Variants in GRID2 observed in about 807,000 individuals in gnomAD.
GRID2 encodes the protein glutamate receptor ionotropic, delta-2.
Under a neutral mutation model 114.8 loss-of-function variants are expected in GRID2, and 33 were observed. That is an observed-to-expected ratio of 0.29 (90% CI 0.22 to 0.38). GRID2 has a LOEUF of 0.38. Among genes scored for constraint, GRID2 ranks in the 10% least tolerant of loss-of-function variants. The probability of loss-of-function intolerance (pLI) is 1.00; values close to 1 mark genes in which losing one functional copy is unlikely to be tolerated. For synonymous variants in GRID2, 505 were observed against 449.9 expected, an observed-to-expected ratio of 1.12 and a Z score of -1.55; for missense variants, 1,184 against 1,257.7, an observed-to-expected ratio of 0.94 and a Z score of 0.89.
intron 1 of GRID2, among the ~76,000 whole-genome samples, chr4:92,492,854 C>T (rs1579460474): frequency 6.6e-6 from 1 of 152,020 alleles, no homozygotes; most frequent in Non-Finnish European, 1.5e-5. Context: ...TTAGGCCAGG[C>T]GCAGTGGCTC....
intron 8 of GRID2, among the ~76,000 whole-genome samples, chr4:93,381,663 C>G (rs1763866715): frequency 6.6e-6 from 1 of 152,090 alleles, no homozygotes; most frequent in African/African-American, 2.4e-5. Context: ...ACAAAACTCT[C>G]TCTTTTACAT....
At chr4:93,529,817 G>A (rs553209355) in intron 13 of GRID2, among the ~76,000 whole-genome samples, 6 of 152,176 alleles carry the variant, frequency 3.9e-5, no homozygotes, top group South Asian at 2.1e-4. Flanking sequence ...TTGTGACATC[G>A]TTTACATTTT....
chr4:93,092,401 G>A (rs959866641), intron 3 of GRID2, among the ~76,000 whole-genome samples: 1 of 151,998 alleles, frequency 6.6e-6, no homozygotes, highest in Non-Finnish European at 1.5e-5. Flanking sequence ...GTGATCAGAG[G>A]CCAAAATAGT....
At chr4:93,003,816 T>G (rs898552950) in intron 2 of GRID2, among the ~76,000 whole-genome samples, 1 of 151,972 alleles carries the variant, frequency 6.6e-6, no homozygotes, top group Non-Finnish European at 1.5e-5. Context: ...TACTTGGAGT[T>G]TCAACATCTT....
At chr4:92,615,122 T>A (rs545612157) in intron 2 of GRID2, among the ~76,000 whole-genome samples, 2 of 151,576 alleles carry the variant, frequency 1.3e-5, no homozygotes, top group Non-Finnish European at 3.0e-5. Flanking sequence ...TGCCAACAGT[T>A]CCAGTGCCTG....
intron 3 of GRID2, among the ~76,000 whole-genome samples, chr4:93,092,853 AACAC>A (rs140206175): frequency 2.6e-5 from 4 of 151,268 alleles, no homozygotes; most frequent in African/African-American, 4.9e-5. Context: ...TACACACACA[AACAC>A]ACACACACAC....
intron 1 of GRID2, among the ~76,000 whole-genome samples, chr4:92,472,515 A>C (rs892101937): frequency 1.3e-5 from 2 of 152,166 alleles, no homozygotes; most frequent in African/African-American, 4.8e-5. Flanking sequence ...AATTGTTTTA[A>C]ATGAGTTGTA....
At chr4:92,338,044 T>C (rs1727277353) in intron 1 of GRID2, among the ~76,000 whole-genome samples, 1 of 152,098 alleles carries the variant, frequency 6.6e-6, no homozygotes, top group African/African-American at 2.4e-5. Context: ...CAACAGTATC[T>C]GGTACAAAAA....
intron 10 of GRID2, among the ~76,000 whole-genome samples, chr4:93,447,314 A>G (rs1357567436): frequency 6.6e-6 from 1 of 152,044 alleles, no homozygotes; most frequent in Non-Finnish European, 1.5e-5. Flanking sequence ...TGAAGCCATT[A>G]AAGCTTGAGT....
intron 1 of GRID2, among the ~76,000 whole-genome samples, chr4:92,481,461 G>A (rs985257067): frequency 1.3e-5 from 2 of 152,220 alleles, no homozygotes; most frequent in African/African-American, 4.8e-5. Context: ...TACTGAATAA[G>A]GAGTCTTCCT....
chr4:93,473,852 A>C (rs1725069106), intron 11 of GRID2, among the ~76,000 whole-genome samples: 1 of 152,132 alleles, frequency 6.6e-6, no homozygotes, highest in African/African-American at 2.4e-5. Flanking sequence ...TATGTGCATA[A>C]AAAATTTCTA....
intron 13 of GRID2, among the ~76,000 whole-genome samples, chr4:93,549,961 C>T (rs1733606318): frequency 1.3e-5 from 2 of 152,130 alleles, no homozygotes; most frequent in African/African-American, 4.8e-5. Context: ...TACTCACTGT[C>T]CCTGAACCTT....
rs910832838 is a variant in GRID2, at chr4:92,751,972, G to A, written c.244+161686G>A. Among the ~76,000 whole-genome samples, 4 of 152,212 alleles carry A rather than the reference G, an allele frequency of 2.6e-5. No individual in the cohort carries two copies. In the East Asian group the frequency reaches 7.7e-4, roughly 29 times the overall value. On this transcript the variant is annotated intron_variant, in intron 2 of 15. Transcript: ENST00000282020. ...ATGAGCCAGTGTTCTAAGGGCTGTC[G>A]GTGACCTTGTAGTGAATTTTGCAAA...
chr4:92,566,286 G>GT lies in GRID2; in HGVS notation c.89-23836dup, dbSNP rs374559187. On this transcript the variant is annotated intron_variant, in intron 1 of 15. Transcript: ENST00000282020. ...TTCAATTCAATATGGAAATATTTCT[G>GT]TTTTTTTTTAAGATGGAAAATGATG... Among the ~76,000 whole-genome samples, 157 of 150,770 alleles carry GT rather than the reference G, an allele frequency of 1.0e-3. 1 individual carries two copies. Among genetic ancestry groups the GT allele is most frequent in the East Asian group, 4.9e-3 (25 of 5,128 alleles).
At chr4:93,676,109 T>C (rs1724832053) in intron 14 of GRID2, among the ~76,000 whole-genome samples, 1 of 152,248 alleles carries the variant, frequency 6.6e-6, no homozygotes, top group Admixed American at 6.5e-5. Flanking sequence ...TTCATCTGTA[T>C]TGATTGCCAC....
chr4:93,029,509 CTG>C (rs2149255600), intron 2 of GRID2, among the ~76,000 whole-genome samples: 1 of 152,070 alleles, frequency 6.6e-6, no homozygotes, highest in South Asian at 2.1e-4. Flanking sequence ...TAATATTAAA[CTG>C]TGTTTGTTTT....
At chr4:92,676,476 G>A (rs1237422209) in intron 2 of GRID2, among the ~76,000 whole-genome samples, 5 of 151,978 alleles carry the variant, frequency 3.3e-5, no homozygotes, top group African/African-American at 7.3e-5. Flanking sequence ...CACCACGCCC[G>A]GCTGAGCCTC....
intron 13 of GRID2, among the ~76,000 whole-genome samples, chr4:93,519,086 T>C (rs1183173015): frequency 1.3e-5 from 2 of 152,140 alleles, no homozygotes; most frequent in Non-Finnish European, 2.9e-5. Context: ...GTGAATCTCA[T>C]TTTAACAATA....
At position 93,735,624 on chromosome 4, in the gene GRID2, T is replaced by G. The variant is rs563402485; in HGVS notation, c.2361-33586T>G. ...AATGTTCCCAGCTCAAATTATAATT[T>G]CAGGCATTAAATGATAGGTTCCCTT... On this transcript the variant is annotated intron_variant, in intron 14 of 15. Transcript: ENST00000282020. Among the ~76,000 whole-genome samples the G allele has an allele frequency of 2.6e-5, 4 of 152,142 alleles. No homozygotes were observed. In the South Asian group the frequency reaches 8.3e-4, roughly 32 times the overall value.
Sources: allele counts gnomAD v4.1 joint callset (sites outside exome capture counted in the v4.1 genomes callset), GRCh38; gene constraint gnomAD v4.1.1; transcripts MANE v1.5; gene names NCBI Gene and HGNC (gene_info 2026-07-23, HGNC 2026-07-21).